ANKS1B: variants seen among roughly 807,000 people sequenced by gnomAD.
ANKS1B encodes the protein ankyrin repeat and sterile alpha motif domain-containing protein 1B.
ANKS1B carries 36 observed loss-of-function variants against 148.3 expected under a neutral mutation model. The observed-to-expected ratio is 0.24, with a 90% CI of 0.19 to 0.32. The LOEUF is 0.32. Among genes scored for constraint, ANKS1B ranks in the 10% least tolerant of loss-of-function variants. ANKS1B has a pLI of 1.00. For synonymous variants in ANKS1B, 542 were observed against 560.8 expected (o/e 0.97, Z 0.47); for missense variants, 1,157 against 1,542.6 (o/e 0.75, Z 4.19).
chr12:99,556,410 G>C (rs983606796), intron 9 of ANKS1B, among the ~76,000 whole-genome samples: 3 of 151,734 alleles, frequency 2.0e-5, no homozygotes, highest in Admixed American at 1.3e-4. Context: ...TTTTTTTTGG[G>C]GGGGAGCATG....
At chr12:99,421,659 A>C (rs1156559039) in intron 11 of ANKS1B, among the ~76,000 whole-genome samples, 1 of 152,186 alleles carries the variant, frequency 6.6e-6, no homozygotes, top group African/African-American at 2.4e-5. Context: ...GGCTGTTAGG[A>C]GCTTGAAGAG....
intron 22 of ANKS1B, chr12:98,794,618 G>T: frequency 1.2e-6 from 1 of 814,696 alleles, no homozygotes; most frequent in Non-Finnish European, 2.2e-6. Context: ...AAAGAAGTGC[G>T]ATCCTCACAA....
chr12:99,720,386 G>C (rs910253924), intron 8 of ANKS1B, among the ~76,000 whole-genome samples: 1 of 152,164 alleles, frequency 6.6e-6, no homozygotes, highest in African/African-American at 2.4e-5. Flanking sequence ...CTTTCCTTCT[G>C]TCAGACATAA....
rs1399208524 is a variant in ANKS1B, at chr12:99,909,217, C to CATGTGT, written c.134+74886_134+74887insACACAT. Reference sequence around the variant, plus strand: ...TTTTTAAGGCTGGACAATATTCCATCGTGTGTGTGTGTGTGTGTGTGTGTG... The same window carrying CATGTGT: ...TTTTTAAGGCTGGACAATATTCCATCATGTGTGTGTGTGTGTGTGTGTGTGTGTGTG... On this transcript the variant is annotated intron_variant, in intron 1 of 26. Transcript: ENST00000683438. Among the ~76,000 whole-genome samples, 86 of 137,394 alleles carry CATGTGT rather than the reference C, an allele frequency of 6.3e-4. 2 individuals are homozygous for CATGTGT. The highest frequency in any genetic ancestry group is 2.3e-3 in the African/African-American group (86 of 36,764). The allele number at this position is 137,394 out of a possible 152,430, so 90.1% of individuals were successfully genotyped here. A position where few individuals can be genotyped will look rare whatever the true frequency, so the allele number is the denominator to read the frequency against.
Position 99,761,992 on chromosome 12 carries a change from G to C in ANKS1B, c.1128+10930C>G, listed in dbSNP as rs147269323. 2.3e-3 allele frequency among the ~76,000 whole-genome samples: 342 copies of C among 151,908 alleles called. 2 individuals are homozygous for C. Among genetic ancestry groups the C allele is most frequent in the African/African-American group, 7.9e-3 (328 of 41,476 alleles). ...ACCAAGGAATACAGCTAACCAGGGA[G>C]GTGAAAGATCTCTACAATGAGAACT... On this transcript the variant is annotated intron_variant, in intron 8 of 26. Transcript: ENST00000683438.
chr12:98,972,425 A>C (rs73384604), intron 17 of ANKS1B, among the ~76,000 whole-genome samples: 101 of 152,208 alleles, frequency 6.6e-4, no homozygotes, highest in Non-Finnish European at 8.8e-4. Flanking sequence ...AGGCCTATAC[A>C]TTATCTCGTT....
chr12:99,300,337 A>G (rs1037573807), intron 12 of ANKS1B, among the ~76,000 whole-genome samples: 1 of 152,166 alleles, frequency 6.6e-6, no homozygotes, highest in African/African-American at 2.4e-5. Context: ...ATAATTATAG[A>G]TAATTACAGG....
chr12:99,941,148 G>T (rs961058957), intron 1 of ANKS1B, among the ~76,000 whole-genome samples: 1 of 151,988 alleles, frequency 6.6e-6, no homozygotes, highest in African/African-American at 2.4e-5. Flanking sequence ...GAATATAGAG[G>T]ACAAATCGCT....
intron 12 of ANKS1B, among the ~76,000 whole-genome samples, chr12:99,348,235 G>A (rs992255724): frequency 1.1e-4 from 17 of 151,816 alleles, no homozygotes; most frequent in East Asian, 9.7e-4. Flanking sequence ...TCTAGCTATC[G>A]GAATCCCAGA....
intron 6 of ANKS1B, among the ~76,000 whole-genome samples, chr12:99,778,505 T>C (rs1229206421): frequency 7.4e-6 from 1 of 135,750 alleles, no homozygotes; most frequent in Non-Finnish European, 1.5e-5. Flanking sequence ...CAAAACTCTT[T>C]CTCAAAAAAA....
intron 15 of ANKS1B, among the ~76,000 whole-genome samples, chr12:99,109,217 A>T (rs2059813003): frequency 6.6e-6 from 1 of 152,140 alleles, no homozygotes; most frequent in Non-Finnish European, 1.5e-5. Flanking sequence ...TTCTCTCAGG[A>T]TGCCTGTTTT....
chr12:99,562,602 T>C (rs1461407646), intron 9 of ANKS1B, among the ~76,000 whole-genome samples: 1 of 152,176 alleles, frequency 6.6e-6, no homozygotes, highest in Non-Finnish European at 1.5e-5. Flanking sequence ...CTCAGGAAAC[T>C]TACAATCATG....
intron 1 of ANKS1B, among the ~76,000 whole-genome samples, chr12:99,913,224 A>G (rs909426253): frequency 2.0e-5 from 3 of 152,248 alleles, no homozygotes; most frequent in African/African-American, 4.8e-5. Context: ...ATTCTGCCTT[A>G]TAAACTTTGC....
Position 98,873,671 on chromosome 12 carries a change from C to T in ANKS1B, c.2779-41535G>A, listed in dbSNP as rs115006276. Among the ~76,000 whole-genome samples the T allele has an allele frequency of 7.7e-3, 1,174 of 152,212 alleles. 12 individuals are homozygous for T. The highest frequency in any genetic ancestry group is 0.027 in the African/African-American group (1,107 of 41,528). On this transcript the variant is annotated intron_variant, in intron 17 of 26. Coordinates refer to ENST00000683438, the MANE Select transcript of ANKS1B (RefSeq NM_001352186.2). ...ATCAAAGGGGCAACTGCTCTGAAAC[C>T]GGCCCTAGAGCATCCAACCTAAAAA... is the stretch of plus-strand genomic sequence containing the variant.
chr12:99,587,773 A>G (rs1365203733), intron 9 of ANKS1B, among the ~76,000 whole-genome samples: 1 of 152,200 alleles, frequency 6.6e-6, no homozygotes, highest in Non-Finnish European at 1.5e-5. Context: ...AGATTTTTAT[A>G]CCATAAGTAG....
chr12:98,981,616 G>A (rs947873488), intron 17 of ANKS1B, among the ~76,000 whole-genome samples: 1 of 152,210 alleles, frequency 6.6e-6, no homozygotes, highest in African/African-American at 2.4e-5. Context: ...GATTACAGGC[G>A]TGAGCCACTG....
intron 1 of ANKS1B, among the ~76,000 whole-genome samples, chr12:99,946,311 T>C (rs1431921665): frequency 1.3e-5 from 2 of 152,126 alleles, no homozygotes; most frequent in African/African-American, 2.4e-5. Flanking sequence ...CAAAATACCA[T>C]AGACTGGGTG....
chr12:99,982,801 A>T (rs1284019932), intron 1 of ANKS1B, among the ~76,000 whole-genome samples: 1 of 152,236 alleles, frequency 6.6e-6, no homozygotes, highest in East Asian at 1.9e-4. Flanking sequence ...CTATCATTCC[A>T]ATAAAATGTC....
At chr12:98,741,693 A>G (rs1007975759), downstream of ANKS1B, among the ~76,000 whole-genome samples, 2 of 152,182 alleles carry the variant, frequency 1.3e-5, no homozygotes, top group Non-Finnish European at 2.9e-5. Flanking sequence ...ATCCACTTGT[A>G]CCTTTCTTCT....
Sources: allele counts gnomAD v4.1 joint callset (sites outside exome capture counted in the v4.1 genomes callset), GRCh38; gene constraint gnomAD v4.1.1; transcripts MANE v1.5; gene names NCBI Gene and HGNC (gene_info 2026-07-23, HGNC 2026-07-21).